CDC42SE2: variants seen among roughly 807,000 people sequenced by gnomAD.
The protein encoded by CDC42SE2 is CDC42 small effector 2, also known as CDC42 small effector protein 2.
Under a neutral mutation model 11.5 loss-of-function variants are expected in CDC42SE2, and 3 were observed. The observed-to-expected ratio is 0.26, with a 90% CI of 0.12 to 0.67. The LOEUF is 0.67. CDC42SE2 is among the 30% of genes least tolerant of loss of function. The probability of loss-of-function intolerance (pLI) is 0.80; values close to 1 mark genes in which losing one functional copy is unlikely to be tolerated. For synonymous variants in CDC42SE2, 33 were observed against 34.8 expected, an observed-to-expected ratio of 0.95 and a Z score of 0.18; for missense variants, 82 against 106.8, an observed-to-expected ratio of 0.77 and a Z score of 1.02.
intron 3 of CDC42SE2, among the ~76,000 whole-genome samples, chr5:131,365,952 A>G (rs890223576): frequency 1.3e-5 from 2 of 152,224 alleles, no homozygotes; most frequent in Non-Finnish European, 2.9e-5. Flanking sequence ...ACTGCACTCC[A>G]GCCTGGAGAC....
the CDC42SE2 span, among the ~76,000 whole-genome samples, chr5:131,234,324 GATAGATAGATAAATAC>G: frequency 6.6e-6 from 1 of 152,116 alleles, no homozygotes; most frequent in Non-Finnish European, 1.5e-5. Context: ...ATAGGAGATA[GATAGATAGATAAATAC>G]ATAGATAGAT....
intron 1 of CDC42SE2, among the ~76,000 whole-genome samples, chr5:131,313,590 G>A (rs1736784124): frequency 6.6e-6 from 1 of 152,108 alleles, no homozygotes; most frequent in Non-Finnish European, 1.5e-5. Context: ...TTCTCTGCTG[G>A]ATTGCCTTTG....
chr5:131,268,032 G>T (rs1756907110), intron 1 of CDC42SE2, among the ~76,000 whole-genome samples: 1 of 144,832 alleles, frequency 6.9e-6, no homozygotes, highest in Non-Finnish European at 1.5e-5. Context: ...GAACTTGAGA[G>T]AAGTACATGT....
At chr5:131,219,019 A>G in the CDC42SE2 span, among the ~76,000 whole-genome samples, 1 of 152,248 alleles carries the variant, frequency 6.6e-6, no homozygotes, top group Non-Finnish European at 1.5e-5. Context: ...TACGAAAAAG[A>G]ACAAGGAATT....
rs869300653 is a variant in CDC42SE2, at chr5:131,292,906, C to CAAA, written c.-454-23044_-454-23042dup. On this transcript the variant is annotated intron_variant, in intron 1 of 4. Transcript: ENST00000505065. ...TGGGTGACAGTGCGAGACCCTGTCT[C>CAAA]AAAAAAAAAAAAAAAAAAAAAAAAA... Among the ~76,000 whole-genome samples, 227 of 58,892 alleles carry CAAA rather than the reference C, an allele frequency of 3.9e-3. 23 individuals carry two copies. Among genetic ancestry groups the CAAA allele is most frequent in the African/African-American group, 0.02 (201 of 9,844 alleles). The allele number at this position is 58,892 out of a possible 152,430, so 38.6% of individuals were successfully genotyped here. A position where few individuals can be genotyped will look rare whatever the true frequency, so the allele number is the denominator to read the frequency against.
At chr5:131,266,415 A>G (rs2149689466) in intron 1 of CDC42SE2, among the ~76,000 whole-genome samples, 1 of 151,368 alleles carries the variant, frequency 6.6e-6, no homozygotes, top group African/African-American at 2.4e-5. Context: ...ACATTCAAAT[A>G]GAAGTTTCAG....
chr5:131,387,537 G>T (rs1750524468), intron 4 of CDC42SE2, among the ~76,000 whole-genome samples: 1 of 152,152 alleles, frequency 6.6e-6, no homozygotes, highest in Non-Finnish European at 1.5e-5. Flanking sequence ...GGGTGACAGA[G>T]TGAAACCCCA....
chr5:131,224,751 G>T, the CDC42SE2 span, among the ~76,000 whole-genome samples: 1,548 of 152,064 alleles, frequency 0.01, 18 homozygotes, highest in African/African-American at 0.035. Context: ...CTTACAAGAG[G>T]CTCAACATTG....
At chr5:131,291,439 C>G (rs1180615574) in intron 1 of CDC42SE2, among the ~76,000 whole-genome samples, 1 of 152,106 alleles carries the variant, frequency 6.6e-6, no homozygotes, top group Non-Finnish European at 1.5e-5. Flanking sequence ...GAATTGAAAA[C>G]TACGTTTTTG....
At chr5:131,376,376 G>T (rs2149783479) in intron 3 of CDC42SE2, among the ~76,000 whole-genome samples, 1 of 152,294 alleles carries the variant, frequency 6.6e-6, no homozygotes, top group South Asian at 2.1e-4. Flanking sequence ...GTCATATACT[G>T]CTATAGAAGG....
the CDC42SE2 span, among the ~76,000 whole-genome samples, chr5:131,221,301 ATT>A: frequency 8.1e-5 from 12 of 147,412 alleles, no homozygotes; most frequent in South Asian, 2.1e-4. Context: ...TTTTTTTGCG[ATT>A]TTTTTTTTTT....
At chr5:131,294,671 G>T (rs1342358760) in intron 1 of CDC42SE2, among the ~76,000 whole-genome samples, 4 of 152,130 alleles carry the variant, frequency 2.6e-5, no homozygotes, top group African/African-American at 9.7e-5. Context: ...GGATGGCAAA[G>T]AAAGAGTTCA....
intron 3 of CDC42SE2, among the ~76,000 whole-genome samples, chr5:131,362,885 AC>A (rs1182624728): frequency 2.0e-5 from 3 of 152,056 alleles, no homozygotes; most frequent in African/African-American, 7.2e-5. Flanking sequence ...AGTGGCTAAC[AC>A]CTGTAATCCT....
chr5:131,367,086 A>G (rs1234219938), intron 3 of CDC42SE2, among the ~76,000 whole-genome samples: 1 of 151,422 alleles, frequency 6.6e-6, no homozygotes, highest in African/African-American at 2.4e-5. Context: ...TAACAGGTCA[A>G]AATATACAAT....
intron 2 of CDC42SE2, among the ~76,000 whole-genome samples, chr5:131,347,247 G>A (rs376243627): frequency 2.6e-4 from 40 of 152,050 alleles, no homozygotes; most frequent in African/African-American, 4.3e-4. Context: ...TTGATAGACC[G>A]CTAGCAAGAC....
At chr5:131,313,143 C>T (rs191250196) in intron 1 of CDC42SE2, among the ~76,000 whole-genome samples, 121 of 152,064 alleles carry the variant, frequency 8.0e-4, no homozygotes, top group South Asian at 6.6e-3. Context: ...CCACGACGCC[C>T]GGCTGATTTT....
At chr5:131,390,553 T>C (rs1750619461) in intron 4 of CDC42SE2, among the ~76,000 whole-genome samples, 1 of 152,060 alleles carries the variant, frequency 6.6e-6, no homozygotes, top group South Asian at 2.1e-4. Context: ...TGTGTGCCTG[T>C]AATCCCAGCT....
intron 1 of CDC42SE2, among the ~76,000 whole-genome samples, chr5:131,276,970 C>T (rs1470451129): frequency 6.6e-6 from 1 of 152,004 alleles, no homozygotes; most frequent in South Asian, 2.1e-4. Context: ...GAACTCCTGA[C>T]CTCAGATGAT....
At chr5:131,271,398 A>G (rs1756992982) in intron 1 of CDC42SE2, among the ~76,000 whole-genome samples, 1 of 152,204 alleles carries the variant, frequency 6.6e-6, no homozygotes, top group Non-Finnish European at 1.5e-5. Context: ...TAAAAAGAAA[A>G]AACAGAACAA....
Sources: allele counts gnomAD v4.1 joint callset (sites outside exome capture counted in the v4.1 genomes callset), GRCh38; gene constraint gnomAD v4.1.1; transcripts MANE v1.5; gene names NCBI Gene and HGNC (gene_info 2026-07-23, HGNC 2026-07-21).